Variants in COLEC11 observed in about 807,000 individuals in gnomAD.
COLEC11 encodes the protein collectin-11.
A neutral mutation model predicts 27.3 loss-of-function variants in COLEC11; 20 were observed. The ratio of observed to expected loss-of-function variants is 0.73; its 90% CI spans 0.51 to 1.06. The LOEUF is 1.06. Among genes scored for constraint, COLEC11 ranks in the 50% least tolerant of loss-of-function variants. COLEC11 has a pLI of 0.00. For synonymous variants in COLEC11, 163 were observed against 154.7 expected (o/e 1.05, Z -0.40); for missense variants, 310 against 383.0 (o/e 0.81, Z 1.59).
rs768691101 is a variant in COLEC11, at chr2:3,604,384, C to T, written c.44C>T (p.Ala15Val). The change falls in exon 2 of 7, where the codon GCC becomes GTC. Residue 15 changes from alanine (A) to valine (V), a missense_variant. By Grantham distance (64) the Ala-to-Val change is moderately conservative. Coordinates refer to ENST00000349077, the MANE Select transcript of COLEC11 (RefSeq NM_024027.5). ...LALVGVLISL[A>V]FLSLLPSGHP... The stretch of plus-strand genomic sequence containing the variant: ...CTGGTGGGCGTTCTAATCAGCCTGG[C>T]CTTCCTGTCACTGCTGCCATCTGGA... 1.2e-6 allele frequency: 2 copies of T among 1,614,214 alleles called. No individual in the cohort carries two copies. The highest frequency in any genetic ancestry group is 1.7e-5 in the Admixed American group (1 of 60,030).
At position 3,623,501 on chromosome 2, in the gene COLEC11, C is replaced by A. The variant is rs116780694; in HGVS notation, c.202+10119C>A. Among the ~76,000 whole-genome samples the A allele has an allele frequency of 8.5e-3, 1,286 of 151,814 alleles. 18 individuals carry two copies. Among genetic ancestry groups the A allele is most frequent in the African/African-American group, 0.03 (1,231 of 41,450 alleles). ...TCTTTTAATGCCTTTTTTCTTTTCT[C>A]TTCTCTGATTGAATATTTTTAAATG... On this transcript the variant is annotated intron_variant, in intron 3 of 6. Transcript: ENST00000349077.
chr2:3,618,329 G>T (rs894113143), intron 3 of COLEC11, among the ~76,000 whole-genome samples: 1 of 152,128 alleles, frequency 6.6e-6, no homozygotes, highest in Admixed American at 6.5e-5. Flanking sequence ...GTGATTTCAG[G>T]TATTACATTT....
intron 3 of COLEC11, among the ~76,000 whole-genome samples, chr2:3,617,143 T>G (rs1334734712): frequency 6.6e-6 from 1 of 152,094 alleles, no homozygotes; most frequent in East Asian, 1.9e-4. Context: ...TTTTCTTTTT[T>G]TTTTTTAAGT....
chr2:3,612,961 C>T (rs1435860267), intron 2 of COLEC11, among the ~76,000 whole-genome samples: 2 of 147,050 alleles, frequency 1.4e-5, no homozygotes, highest in South Asian at 2.1e-4. Flanking sequence ...CGCCTGGAGA[C>T]GCTGCCGCCC....
chr2:3,601,055 ACTT>A (rs1316479929), intron 1 of COLEC11, among the ~76,000 whole-genome samples: 2 of 152,010 alleles, frequency 1.3e-5, no homozygotes, highest in Non-Finnish European at 2.9e-5. Flanking sequence ...AGTCATCTCT[ACTT>A]CTGATTCCTC....
intron 3 of COLEC11, among the ~76,000 whole-genome samples, chr2:3,628,566 G>A (rs561888933): frequency 1.3e-5 from 2 of 152,358 alleles, no homozygotes; most frequent in South Asian, 4.1e-4. Context: ...GAACAGGCTG[G>A]CTGGGTGTGC....
chr2:3,604,236 T>G, intron 1 of COLEC11, 79 bp from the exon 2 acceptor site: 12 of 1,529,984 alleles, frequency 7.8e-6, no homozygotes, highest in Non-Finnish European at 1.1e-5. Flanking sequence ...CTACACCCCT[T>G]GCCTCCGAGG....
intron 3 of COLEC11, among the ~76,000 whole-genome samples, chr2:3,627,766 GACA>G (rs537295516): frequency 7.9e-4 from 119 of 151,080 alleles, no homozygotes; most frequent in South Asian, 1.7e-3. Flanking sequence ...TGCTGGGCAT[GACA>G]ACAGCGTGAA....
Position 3,637,534 on chromosome 2 carries a change from A to C in COLEC11, c.204A>C (p.Gly68=), listed in dbSNP as rs893363308. 4 of 1,613,876 alleles carry C rather than the reference A, an allele frequency of 2.5e-6. No homozygotes were observed. The South Asian group carries it at 3.3e-5, about 13-fold the overall frequency. Residue 68 remains glycine, a splice_region_variant and synonymous_variant, in exon 4 of 7, where the codon GGA becomes GGC. Coordinates refer to ENST00000349077, the MANE Select transcript of COLEC11 (RefSeq NM_024027.5). ...CTTTGCTCTTATTGTTTTCTACAGGAGACATGGGGGACAAAGGACAGAAAG... is the reference window on the plus strand; with the variant it reads ...CTTTGCTCTTATTGTTTTCTACAGGCGACATGGGGGACAAAGGACAGAAAG... ...PGRVGPTGEK[G]DMGDKGQKGS... is the part of the protein sequence containing the mutation.
chr2:3,642,770 C>G (rs533015299), intron 5 of COLEC11, among the ~76,000 whole-genome samples: 29 of 152,322 alleles, frequency 1.9e-4, no homozygotes, highest in Middle Eastern at 3.4e-3. Flanking sequence ...CAGCACCTGT[C>G]CTGTGGGCGC....
chr2:3,604,497 C>T, intron 2 of COLEC11, 27 bp downstream of exon 2: 1 of 1,613,032 alleles, frequency 6.2e-7, no homozygotes, highest in Non-Finnish European at 8.5e-7. Context: ...CTCTGGGCTG[C>T]TGGGCAGTGG....
intron 3 of COLEC11, chr2:3,617,802 C>T (rs1295181444): frequency 1.3e-6 from 1 of 774,510 alleles, no homozygotes; most frequent in African/African-American, 1.7e-5. Context: ...GTTTTCCATT[C>T]CCACCAGCAA....
intron 3 of COLEC11, among the ~76,000 whole-genome samples, chr2:3,628,596 G>A (rs529089675): frequency 6.6e-6 from 1 of 152,338 alleles, no homozygotes; most frequent in Admixed American, 6.5e-5. Context: ...TTGAGGGAGT[G>A]TCCTGTTGGG....
At chr2:3,635,676 GGTGTGCGAAGC>G (rs1394007899) in intron 3 of COLEC11, among the ~76,000 whole-genome samples, 2 of 152,206 alleles carry the variant, frequency 1.3e-5, no homozygotes, top group Non-Finnish European at 2.9e-5. Context: ...CACAGCGCCT[GGTGTGCGAAGC>G]AGAGTCGCCT....
chr2:3,617,500 A>C, intron 3 of COLEC11: 2 of 1,436,948 alleles, frequency 1.4e-6, no homozygotes, highest in Non-Finnish European at 2.0e-6. Context: ...TAAAATAAGA[A>C]GGCAATGCTT....
chr2:3,642,881 G>A (rs1336240253), intron 5 of COLEC11, among the ~76,000 whole-genome samples: 2 of 152,162 alleles, frequency 1.3e-5, no homozygotes, highest in Admixed American at 6.5e-5. Context: ...CTCACGCCCT[G>A]TGTGTGCCCA....
intron 1 of COLEC11, among the ~76,000 whole-genome samples, chr2:3,599,743 C>G (rs1662087286): frequency 1.3e-5 from 2 of 152,162 alleles, no homozygotes; most frequent in African/African-American, 4.8e-5. Context: ...CTCCATGGCC[C>G]AGGGAGGCAA....
intron 3 of COLEC11, among the ~76,000 whole-genome samples, chr2:3,632,933 G>A (rs143312230): frequency 9.2e-5 from 14 of 152,300 alleles, no homozygotes; most frequent in African/African-American, 1.4e-4. Flanking sequence ...TGTCAGAGGC[G>A]GATTGTGGCC....
intron 1 of COLEC11, among the ~76,000 whole-genome samples, chr2:3,599,896 T>C (rs1020694370): frequency 6.6e-6 from 1 of 152,204 alleles, no homozygotes; most frequent in Non-Finnish European, 1.5e-5. Flanking sequence ...TAAAGTTGAA[T>C]ATAAAGACAC....
Sources: allele counts gnomAD v4.1 joint callset (sites outside exome capture counted in the v4.1 genomes callset), GRCh38; gene constraint gnomAD v4.1.1; transcripts MANE v1.5; gene names NCBI Gene and HGNC (gene_info 2026-07-23, HGNC 2026-07-21).